Variants in SAMTOR observed in about 807,000 individuals in gnomAD.
SAMTOR encodes the protein UPF0532 protein C7orf60.
chr7:112,902,117 T>C, the SAMTOR span, among the ~76,000 whole-genome samples: 171 of 152,146 alleles, frequency 1.1e-3, 2 homozygotes, highest in African/African-American at 3.6e-3. Context: ...AGGTGGTGGT[T>C]GCAGGCCGGG....
At chr7:112,885,707 G>C in the SAMTOR span, among the ~76,000 whole-genome samples, 1 of 152,060 alleles carries the variant, frequency 6.6e-6, no homozygotes, top group Non-Finnish European at 1.5e-5. Context: ...CCTATCTTCT[G>C]AGCCCTTCAA....
the SAMTOR span, among the ~76,000 whole-genome samples, chr7:112,850,749 G>C: frequency 6.6e-6 from 1 of 152,134 alleles, no homozygotes; most frequent in Non-Finnish European, 1.5e-5. Context: ...AGTATCAGTT[G>C]TAATGTCACC....
At chr7:112,936,815 T>A in the SAMTOR span, among the ~76,000 whole-genome samples, 2 of 152,168 alleles carry the variant, frequency 1.3e-5, no homozygotes, top group South Asian at 2.1e-4. Flanking sequence ...CAGCTAATCA[T>A]ACCTATCCTA....
At chr7:112,837,917 T>C in the SAMTOR span, among the ~76,000 whole-genome samples, 3 of 152,110 alleles carry the variant, frequency 2.0e-5, no homozygotes, top group East Asian at 5.8e-4. Flanking sequence ...CCAACAGCAC[T>C]ATAACTCATG....
At chr7:112,911,821 A>G in the SAMTOR span, among the ~76,000 whole-genome samples, 2 of 151,930 alleles carry the variant, frequency 1.3e-5, no homozygotes, top group Admixed American at 6.6e-5. Flanking sequence ...GCCAAGAAAG[A>G]AAAATCAGTA....
At chr7:112,904,425 A>T in the SAMTOR span, among the ~76,000 whole-genome samples, 4 of 152,286 alleles carry the variant, frequency 2.6e-5, no homozygotes, top group Admixed American at 6.5e-5. Flanking sequence ...AAAAGTAAAA[A>T]AGTAAATAAC....
At chr7:112,916,144 T>C in the SAMTOR span, among the ~76,000 whole-genome samples, 2 of 152,150 alleles carry the variant, frequency 1.3e-5, no homozygotes, top group Non-Finnish European at 2.9e-5. Flanking sequence ...TTGTAAGCCT[T>C]AAAAAATGTC....
the SAMTOR span, among the ~76,000 whole-genome samples, chr7:112,896,636 A>T: frequency 1.3e-5 from 2 of 152,226 alleles, no homozygotes; most frequent in Non-Finnish European, 2.9e-5. Flanking sequence ...TCATGTGTAG[A>T]GGTGCATAAT....
chr7:112,932,195 G>A, the SAMTOR span, among the ~76,000 whole-genome samples: 1 of 152,152 alleles, frequency 6.6e-6, no homozygotes, highest in East Asian at 1.9e-4. Context: ...AAAGTGCTGG[G>A]ATTACAGGCA....
At chr7:112,821,617 A>G in the SAMTOR span, 2 of 867,340 alleles carry the variant, frequency 2.3e-6, no homozygotes, top group Non-Finnish European at 3.4e-6. Context: ...AAAATAGCAA[A>G]CTCTGTAAAC....
At chr7:112,921,469 C>T in the SAMTOR span, among the ~76,000 whole-genome samples, 61 of 151,276 alleles carry the variant, frequency 4.0e-4, no homozygotes, top group African/African-American at 1.2e-3. Context: ...AAGACTTAAA[C>T]GTTAGACCTA....
At chr7:112,900,121 C>T in the SAMTOR span, among the ~76,000 whole-genome samples, 1 of 150,538 alleles carries the variant, frequency 6.6e-6, no homozygotes, top group Admixed American at 6.6e-5. Flanking sequence ...TATATCTGTA[C>T]ATATATATAT....
chr7:112,917,442 A>C, the SAMTOR span, among the ~76,000 whole-genome samples: 1 of 152,198 alleles, frequency 6.6e-6, no homozygotes, highest in Non-Finnish European at 1.5e-5. Context: ...CCAAAAACCC[A>C]TCTGTACATC....
the SAMTOR span, among the ~76,000 whole-genome samples, chr7:112,894,848 C>T: frequency 6.6e-6 from 1 of 152,118 alleles, no homozygotes; most frequent in South Asian, 2.1e-4. Context: ...AAAATGGTGC[C>T]AATCGACTTG....
At chr7:112,883,174 G>A in the SAMTOR span, among the ~76,000 whole-genome samples, 1 of 152,116 alleles carries the variant, frequency 6.6e-6, no homozygotes, top group Non-Finnish European at 1.5e-5. Flanking sequence ...AATATGTTTT[G>A]TACTCTTTCC....
chr7:112,923,158 C>T, the SAMTOR span, among the ~76,000 whole-genome samples: 1 of 152,210 alleles, frequency 6.6e-6, no homozygotes, highest in Admixed American at 6.5e-5. Flanking sequence ...CCTTGGGATC[C>T]TGTTGATCTA....
chr7:112,846,346 G>A, the SAMTOR span, among the ~76,000 whole-genome samples: 1 of 151,994 alleles, frequency 6.6e-6, no homozygotes, highest in Non-Finnish European at 1.5e-5. Flanking sequence ...GGAAACAACA[G>A]ACACTGGGGC....
the SAMTOR span, among the ~76,000 whole-genome samples, chr7:112,836,716 T>C: frequency 1.8e-4 from 27 of 151,844 alleles, no homozygotes; most frequent in Non-Finnish European, 2.8e-4. Flanking sequence ...GCGAGTCCTG[T>C]CCCCATTGCT....
At chr7:112,872,588 A>G in the SAMTOR span, among the ~76,000 whole-genome samples, 1 of 152,094 alleles carries the variant, frequency 6.6e-6, no homozygotes, top group African/African-American at 2.4e-5. Context: ...CATCACTCCT[A>G]TTCAACATAG....
Sources: allele counts gnomAD v4.1 joint callset (sites outside exome capture counted in the v4.1 genomes callset), GRCh38; gene constraint gnomAD v4.1.1; transcripts MANE v1.5; gene names NCBI Gene and HGNC (gene_info 2026-07-23, HGNC 2026-07-21).